Variants in FHOD3 observed in about 807,000 individuals in gnomAD.
FHOD3 encodes FH1/FH2 domain-containing protein 3.
Under a neutral mutation model 173.0 loss-of-function variants are expected in FHOD3, and 90 were observed. The observed-to-expected ratio is 0.52, with a 90% CI of 0.44 to 0.62. The LOEUF is 0.62. Among genes scored for constraint, FHOD3 ranks in the 20% least tolerant of loss-of-function variants. The pLI, the probability that FHOD3 is intolerant of heterozygous loss-of-function variation, is 0.00. For missense variants in FHOD3, 1,945 were observed against 2,034.7 expected, an observed-to-expected ratio of 0.96 and a Z score of 0.85; for synonymous variants, 828 against 823.0, an observed-to-expected ratio of 1.01 and a Z score of -0.10.
Position 36,709,342 on chromosome 18 carries a change from G to A in FHOD3, c.2484G>A (p.Thr828=), listed in dbSNP as rs769510769. The change falls in exon 18 of 29, where the codon ACG becomes ACA. Residue 828 remains threonine (T), a synonymous_variant. Transcript: ENST00000590592. ...SASSVSSSSS[T]LEREEKEDKL... is the part of the protein sequence containing the mutation. Reference sequence around the variant, plus strand: ...CCAGCGTCTCGTCCTCCAGCAGCACGTTGGAGAGGGAGGAGAAGGAGGACA... The same window carrying A: ...CCAGCGTCTCGTCCTCCAGCAGCACATTGGAGAGGGAGGAGAAGGAGGACA... 2.1e-5 allele frequency: 34 copies of A among 1,614,120 alleles called. No individual in the cohort carries two copies. Among genetic ancestry groups the A allele is most frequent in the South Asian group, 5.5e-5 (5 of 91,092 alleles).
chr18:36,467,959 G>A (rs1014926431), intron 3 of FHOD3, among the ~76,000 whole-genome samples: 2 of 152,228 alleles, frequency 1.3e-5, no homozygotes, highest in Non-Finnish European at 2.9e-5. Flanking sequence ...TGCCAAGAAA[G>A]CCCAAATGAT....
intron 14 of FHOD3, among the ~76,000 whole-genome samples, chr18:36,659,811 G>A (rs555979430): frequency 1.2e-4 from 19 of 152,302 alleles, no homozygotes; most frequent in Middle Eastern, 3.4e-3. Flanking sequence ...TGAAAGGGAA[G>A]CCCCAACCTC....
At chr18:36,361,971 G>T (rs1254645445) in intron 2 of FHOD3, among the ~76,000 whole-genome samples, 1 of 152,222 alleles carries the variant, frequency 6.6e-6, no homozygotes, top group Non-Finnish European at 1.5e-5. Context: ...AGTAAGTCAG[G>T]CAAGAATGAA....
At chr18:36,749,708 T>C (rs1307146127) in intron 24 of FHOD3, among the ~76,000 whole-genome samples, 2 of 152,220 alleles carry the variant, frequency 1.3e-5, no homozygotes, top group African/African-American at 4.8e-5. Context: ...AGTAATGGGA[T>C]TGCTGGGTCG....
At chr18:36,663,374 C>CT (rs1318483053) in intron 14 of FHOD3, among the ~76,000 whole-genome samples, 1 of 152,214 alleles carries the variant, frequency 6.6e-6, no homozygotes, top group Non-Finnish European at 1.5e-5. Flanking sequence ...CCTCTTCCTG[C>CT]TGTCAGCCTT....
chr18:36,706,551 A>G (rs80203627), intron 17 of FHOD3, among the ~76,000 whole-genome samples: 3,803 of 152,310 alleles, frequency 0.025, 166 homozygotes, highest in African/African-American at 0.087. Context: ...ACACCTGCCC[A>G]GGCAGCCTAA....
At chr18:36,652,144 T>A (rs17651763) in intron 11 of FHOD3, among the ~76,000 whole-genome samples, 3,165 of 152,364 alleles carry the variant, frequency 0.021, 53 homozygotes, top group Non-Finnish European at 0.031. Context: ...TTGGGCTTTT[T>A]AGCAGGAGGA....
At chr18:36,603,593 T>C (rs2031689292) in intron 8 of FHOD3, among the ~76,000 whole-genome samples, 5 of 152,002 alleles carry the variant, frequency 3.3e-5, no homozygotes, top group Admixed American at 3.3e-4. Context: ...AGCCTCCACC[T>C]CCCAGGTTCA....
At chr18:36,622,244 T>C (rs2033771066) in intron 9 of FHOD3, among the ~76,000 whole-genome samples, 1 of 152,194 alleles carries the variant, frequency 6.6e-6, no homozygotes, top group Non-Finnish European at 1.5e-5. Context: ...ATGAATAAGT[T>C]ATAGATATGT....
At position 36,649,328 on chromosome 18, in the gene FHOD3, G is replaced by T; in HGVS notation, c.1209G>T (p.Glu403Asp). Residue 403 changes from glutamate to aspartate, a missense_variant, in exon 11 of 29, where the codon GAG becomes GAT. Transcript: ENST00000590592. ...VRDLREKEEE[E>D]EEEQPITEPS... is the part of the protein sequence containing the mutation. The stretch of plus-strand genomic sequence containing the variant: ...GGCTTTGTCTCAGGGAGGAGGAGGA[G>T]GAAGAGGAGCAGCCAATCACGGAGC... 1 of 1,535,596 alleles carries T rather than the reference G, an allele frequency of 6.5e-7. No individual in the cohort carries two copies. The highest frequency in any genetic ancestry group is 1.2e-5 in the South Asian group (1 of 84,038).
intron 5 of FHOD3, among the ~76,000 whole-genome samples, chr18:36,534,111 T>C (rs1395233701): frequency 6.6e-6 from 1 of 152,206 alleles, no homozygotes; most frequent in Non-Finnish European, 1.5e-5. Flanking sequence ...TAACTTCCTC[T>C]TCTTGGCCCT....
At chr18:36,383,293 G>T (rs2047880958) in intron 3 of FHOD3, among the ~76,000 whole-genome samples, 1 of 152,164 alleles carries the variant, frequency 6.6e-6, no homozygotes, top group Admixed American at 6.5e-5. Flanking sequence ...GAATCACAGT[G>T]CTCTCATAAT....
intron 7 of FHOD3, among the ~76,000 whole-genome samples, chr18:36,600,358 A>C (rs1053764874): frequency 6.6e-6 from 1 of 152,046 alleles, no homozygotes; most frequent in Non-Finnish European, 1.5e-5. Flanking sequence ...TGGACCCCAT[A>C]ATTCTGACAG....
At chr18:36,568,824 G>A (rs1375850929) in intron 5 of FHOD3, among the ~76,000 whole-genome samples, 4 of 152,118 alleles carry the variant, frequency 2.6e-5, no homozygotes, top group African/African-American at 2.4e-5. Context: ...ATTACTTGGC[G>A]CGCAATGAAC....
chr18:36,753,167 C>T (rs1307929279), intron 24 of FHOD3, among the ~76,000 whole-genome samples: 1 of 152,074 alleles, frequency 6.6e-6, no homozygotes, highest in East Asian at 1.9e-4. Context: ...GTACTGGATA[C>T]CTTGTCAGGC....
chr18:36,526,959 G>T (rs2056547015), intron 5 of FHOD3, among the ~76,000 whole-genome samples: 1 of 152,228 alleles, frequency 6.6e-6, no homozygotes, highest in South Asian at 2.1e-4. Flanking sequence ...TTGGAACCAA[G>T]AATAGCTGAA....
intron 3 of FHOD3, among the ~76,000 whole-genome samples, chr18:36,415,303 T>C (rs568832534): frequency 2.0e-5 from 3 of 152,340 alleles, no homozygotes; most frequent in Admixed American, 6.5e-5. Context: ...CACATATATA[T>C]CTGTCAGGTT....
At chr18:36,447,741 G>A (rs554462367) in intron 3 of FHOD3, among the ~76,000 whole-genome samples, 1 of 152,172 alleles carries the variant, frequency 6.6e-6, no homozygotes, top group Non-Finnish European at 1.5e-5. Context: ...ACTGCAACAG[G>A]TTAAGTTTAA....
chr18:36,732,641 C>T (rs1319658191), intron 20 of FHOD3, among the ~76,000 whole-genome samples: 1 of 152,186 alleles, frequency 6.6e-6, no homozygotes, highest in Non-Finnish European at 1.5e-5. Context: ...GGGCACACGG[C>T]AGACCGGAGC....
Sources: gnomAD v4.1 joint callset for allele counts (sites outside exome capture counted in the v4.1 genomes callset) on GRCh38, gnomAD v4.1.1 for gene constraint, MANE v1.5 for transcripts, NCBI Gene and HGNC (gene_info 2026-07-23, HGNC 2026-07-21) for gene names.